Variants in SLC24A2 observed in about 807,000 individuals in gnomAD.
The protein encoded by SLC24A2 is solute carrier family 24 member 2.
SLC24A2 carries 36 observed loss-of-function variants against 62.0 expected under a neutral mutation model. That is an observed-to-expected ratio of 0.58 (90% confidence interval 0.44 to 0.77). The LOEUF is 0.77. Among genes scored for constraint, SLC24A2 ranks in the 30% least tolerant of loss-of-function variants. SLC24A2 has a pLI of 0.00. For synonymous variants in SLC24A2, 358 were observed against 294.0 expected (o/e 1.22, Z -2.23); for missense variants, 846 against 817.9 (o/e 1.03, Z -0.42).
upstream of SLC24A2, among the ~76,000 whole-genome samples, chr9:19,793,563 G>A (rs1823344621): frequency 6.6e-6 from 1 of 152,192 alleles, no homozygotes; most frequent in African/African-American, 2.4e-5. Flanking sequence ...GAACTGATAT[G>A]TTACACACCT....
chr9:19,727,309 T>C (rs1413943358), intron 2 of SLC24A2, among the ~76,000 whole-genome samples: 1 of 152,206 alleles, frequency 6.6e-6, no homozygotes, highest in Non-Finnish European at 1.5e-5. Flanking sequence ...AAGAATATTT[T>C]AGATATAATC....
chr9:19,598,522 CAT>C (rs879895422), intron 4 of SLC24A2, among the ~76,000 whole-genome samples: 1 of 152,028 alleles, frequency 6.6e-6, no homozygotes, highest in African/African-American at 2.4e-5. Context: ...AGAAAAATCA[CAT>C]GTTTATGTTT....
At chr9:20,285,299 A>C in the SLC24A2 span, among the ~76,000 whole-genome samples, 1 of 152,236 alleles carries the variant, frequency 6.6e-6, no homozygotes, top group East Asian at 1.9e-4. Flanking sequence ...TAATATGTAG[A>C]AAGAGGTTTA....
At chr9:20,080,543 A>C in the SLC24A2 span, among the ~76,000 whole-genome samples, 1 of 151,754 alleles carries the variant, frequency 6.6e-6, no homozygotes, top group African/African-American at 2.4e-5. Context: ...AACCTAGGCA[A>C]TACCATTCAG....
chr9:19,769,355 A>C (rs897135768), intron 2 of SLC24A2, among the ~76,000 whole-genome samples: 2 of 152,152 alleles, frequency 1.3e-5, no homozygotes, highest in African/African-American at 4.8e-5. Context: ...ACTGTTACCC[A>C]CCTGATTCAT....
chr9:19,624,866 C>T lies in SLC24A2; in HGVS notation c.931-2567G>A, dbSNP rs941718408. ...ACATCTACTGATAATTCGAAGTTCA[C>T]CTGACTTAGCCTTGCTCTAATTGCA... On this transcript the variant is annotated intron_variant, in intron 2 of 10. Coordinates refer to ENST00000341998, the MANE Select transcript of SLC24A2 (RefSeq NM_020344.4). Among the ~76,000 whole-genome samples, 12 of 152,302 alleles carry T rather than the reference C, an allele frequency of 7.9e-5. No individual in the cohort carries two copies. In the East Asian group the frequency reaches 2.3e-3, roughly 29 times the overall value.
At chr9:19,835,402 C>T in the SLC24A2 span, among the ~76,000 whole-genome samples, 8 of 151,688 alleles carry the variant, frequency 5.3e-5, no homozygotes, top group East Asian at 3.9e-4. Context: ...AAATGGAAAA[C>T]AAAAAAAGGC....
At chr9:20,190,900 TTAG>T in the SLC24A2 span, among the ~76,000 whole-genome samples, 3 of 152,214 alleles carry the variant, frequency 2.0e-5, no homozygotes, top group Non-Finnish European at 4.4e-5. Context: ...TATACATTGT[TTAG>T]TACAGTACTT....
the SLC24A2 span, among the ~76,000 whole-genome samples, chr9:20,162,698 T>A: frequency 2.6e-5 from 4 of 152,020 alleles, no homozygotes; most frequent in Non-Finnish European, 5.9e-5. Context: ...TTTAGACCAA[T>A]ATCCTTGATG....
At position 19,511,469 on chromosome 9, in the gene SLC24A2, G is replaced by C. The variant is rs962652998; in HGVS notation, c.*4684C>G. 1 of 152,080 alleles carries C rather than the reference G, an allele frequency of 6.6e-6. No individual in the cohort carries two copies. Among genetic ancestry groups the C allele is most frequent in the African/African-American group, 2.4e-5 (1 of 41,420 alleles). The allele number at this position is 152,080 out of a possible 1,614,324, so 9.4% of individuals were successfully genotyped here. A position where few individuals can be genotyped will look rare whatever the true frequency, so the allele number is the denominator to read the frequency against. ...TTGTTACTGTTTTAAACTACATAGG[G>C]ATATATTTCCACGTGACACTTGTTT... is the stretch of plus-strand genomic sequence containing the variant. On this transcript the variant is annotated 3_prime_UTR_variant, in exon 11 of 11. Transcript: ENST00000341998.
the SLC24A2 span, among the ~76,000 whole-genome samples, chr9:19,885,855 T>C: frequency 6.6e-6 from 1 of 152,138 alleles, no homozygotes; most frequent in Admixed American, 6.5e-5. Context: ...TGGTACTTGG[T>C]TTTCTGCTCC....
chr9:20,254,596 G>A, the SLC24A2 span, among the ~76,000 whole-genome samples: 3 of 152,156 alleles, frequency 2.0e-5, no homozygotes, highest in Middle Eastern at 3.4e-3. Context: ...GGAGGAGAAG[G>A]GTAACTGCAT....
chr9:20,204,334 G>A, the SLC24A2 span, among the ~76,000 whole-genome samples: 2 of 152,170 alleles, frequency 1.3e-5, no homozygotes, highest in African/African-American at 2.4e-5. Flanking sequence ...AAGAGACTGC[G>A]TTGCCACGTC....
chr9:20,110,590 T>C, the SLC24A2 span, among the ~76,000 whole-genome samples: 1 of 152,140 alleles, frequency 6.6e-6, no homozygotes, highest in Non-Finnish European at 1.5e-5. Context: ...GGAAGGCAAG[T>C]CTTCTATGCC....
chr9:19,894,008 G>A, the SLC24A2 span, among the ~76,000 whole-genome samples: 2 of 152,114 alleles, frequency 1.3e-5, no homozygotes, highest in African/African-American at 4.8e-5. Context: ...TGCAACCATC[G>A]ATCCGAGCTA....
the SLC24A2 span, among the ~76,000 whole-genome samples, chr9:19,949,805 G>A: frequency 6.6e-6 from 1 of 152,214 alleles, no homozygotes; most frequent in Admixed American, 6.5e-5. Flanking sequence ...TGAAAAGAAA[G>A]AAGACACTTG....
chr9:19,622,589 G>A (rs1817934472), intron 2 of SLC24A2, among the ~76,000 whole-genome samples: 1 of 152,116 alleles, frequency 6.6e-6, no homozygotes, highest in Non-Finnish European at 1.5e-5. Flanking sequence ...CCATGCAGTG[G>A]AATACTATGT....
chr9:19,690,744 G>C (rs1820019528), intron 2 of SLC24A2, among the ~76,000 whole-genome samples: 1 of 152,030 alleles, frequency 6.6e-6, no homozygotes, highest in Admixed American at 6.6e-5. Context: ...TGATTCTGTA[G>C]GCTTTTATAT....
chr9:19,547,729 A>C (rs1834652771), intron 8 of SLC24A2, among the ~76,000 whole-genome samples: 1 of 151,380 alleles, frequency 6.6e-6, no homozygotes, highest in Non-Finnish European at 1.5e-5. Context: ...GGGCCACACC[A>C]CATGAGGCCC....
Sources: gnomAD v4.1 joint callset for allele counts (sites outside exome capture counted in the v4.1 genomes callset) on GRCh38, gnomAD v4.1.1 for gene constraint, MANE v1.5 for transcripts, NCBI Gene and HGNC (gene_info 2026-07-23, HGNC 2026-07-21) for gene names.